ANO1: variants seen among roughly 807,000 people sequenced by gnomAD.
The protein encoded by ANO1 is anoctamin-1.
ANO1 carries 59 observed loss-of-function variants against 124.0 expected under a neutral mutation model. The observed-to-expected ratio is 0.48, with a 90% confidence interval of 0.39 to 0.59. The LOEUF is 0.59. Among genes scored for constraint, ANO1 ranks in the 20% least tolerant of loss-of-function variants. ANO1 has a pLI of 0.00. For synonymous variants in ANO1, 529 were observed against 532.0 expected (o/e 0.99, Z 0.08); for missense variants, 1,059 against 1,328.0 (o/e 0.80, Z 3.15).
the ANO1 span, among the ~76,000 whole-genome samples, chr11:69,976,585 C>G: frequency 1.5e-5 from 2 of 137,066 alleles, no homozygotes; most frequent in Non-Finnish European, 3.0e-5. Context: ...GACACACACA[C>G]AGAGGAATAG....
intron 9 of ANO1, 99 bp downstream of exon 9, chr11:70,124,513 G>C: frequency 7.8e-7 from 1 of 1,286,302 alleles, no homozygotes; most frequent in East Asian, 2.4e-5. Flanking sequence ...TTCAGTACCC[G>C]GGAACGTGTT....
rs367568069 is a variant in ANO1 at position 70,148,832 on chromosome 11, G to A, written c.1259-878G>A. The stretch of plus-strand genomic sequence containing the variant: ...CATCCCTGCCTCACATACAAGTCAC[G>A]GGACGGGGATCCTGATGGAAGGCAG... On this transcript the variant is annotated intron_variant, in intron 11 of 25. Transcript: ENST00000355303. Among the ~76,000 whole-genome samples, 8 of 152,304 alleles carry A rather than the reference G, an allele frequency of 5.3e-5. 1 individual carries two copies. The East Asian group carries it at 1.2e-3, about 22-fold the overall frequency.
chr11:70,084,407 A>T (rs1377878722), intron 1 of ANO1, among the ~76,000 whole-genome samples: 1 of 152,212 alleles, frequency 6.6e-6, no homozygotes, highest in African/African-American at 2.4e-5. Context: ...GATGGCTCCC[A>T]GGTGCCTGGC....
intron 11 of ANO1, among the ~76,000 whole-genome samples, chr11:70,147,586 C>T (rs1405395046): frequency 6.6e-6 from 1 of 152,202 alleles, no homozygotes; most frequent in African/African-American, 2.4e-5. Flanking sequence ...TCTCCCTCTT[C>T]CCAGTAGGTT....
intron 2 of ANO1, among the ~76,000 whole-genome samples, chr11:70,101,124 G>T (rs1030434601): frequency 6.6e-6 from 1 of 152,026 alleles, no homozygotes; most frequent in Admixed American, 6.5e-5. Flanking sequence ...TGTCAAGGAG[G>T]GTCTCCCTTC....
chr11:70,040,963 C>T (rs1015059392), intron 1 of ANO1, among the ~76,000 whole-genome samples: 6 of 152,160 alleles, frequency 3.9e-5, no homozygotes, highest in Admixed American at 2.0e-4. Flanking sequence ...AGCTCGAGGG[C>T]CCTGTCAGTG....
Position 70,062,363 on chromosome 11 carries a change from C to T in ANO1, c.59-16179C>T, listed in dbSNP as rs144053750. Reference sequence around the variant, plus strand: ...CAGTGCTGGGATTACAGGCGTGAGCCACCACGCCCGGCCGAGGTGATTTTT... The same window carrying T: ...CAGTGCTGGGATTACAGGCGTGAGCTACCACGCCCGGCCGAGGTGATTTTT... On this transcript the variant is annotated intron_variant, in intron 1 of 27. Coordinates refer to the ANO1 transcript ENST00000531349. Among the ~76,000 whole-genome samples, 904 of 152,236 alleles carry T rather than the reference C, an allele frequency of 5.9e-3. 15 individuals carry two copies. Among genetic ancestry groups the T allele is most frequent in the African/African-American group, 0.019 (803 of 41,542 alleles).
At chr11:70,002,890 A>G (rs1856412975) in intron 1 of ANO1, among the ~76,000 whole-genome samples, 1 of 152,232 alleles carries the variant, frequency 6.6e-6, no homozygotes, top group Non-Finnish European at 1.5e-5. Context: ...TGCAAAAAAC[A>G]AAATCATTAA....
chr11:70,087,830 G>A lies in ANO1; in HGVS notation c.187G>A (p.Asp63Asn), dbSNP rs1175319592. The A allele has an allele frequency of 6.2e-7, 1 of 1,613,094 alleles. No individual in the cohort carries two copies. The change falls in exon 2 of 26, where the codon GAC (aspartate) becomes AAC (asparagine). Residue 63 changes from aspartate (D) to asparagine (N), a missense_variant. Asp to Asn is a conservative substitution (Grantham distance 23). Transcript: ENST00000355303. ...CTTCAGGGACGGCCGGCGCAAGGTG[G>A]ACTACATCCTGGTGTACCATCACAA... ...LYFRDGRRKV[D>N]YILVYHHKRP...
chr11:70,096,364 C>T (rs1030466768), intron 2 of ANO1, among the ~76,000 whole-genome samples: 7 of 152,296 alleles, frequency 4.6e-5, no homozygotes, highest in Admixed American at 1.3e-4. Context: ...GCACCCGTAT[C>T]GGTCCGTGGC....
intron 22 of ANO1, 108 bp downstream of exon 22, chr11:70,171,147 C>T: frequency 2.8e-6 from 4 of 1,426,754 alleles, no homozygotes; most frequent in Admixed American, 2.2e-5. Context: ...GGTGTCCCTC[C>T]TGGGGCTCTT....
intron 5 of ANO1, among the ~76,000 whole-genome samples, chr11:70,107,950 A>G (rs2045624245): frequency 6.6e-6 from 1 of 152,194 alleles, no homozygotes; most frequent in African/African-American, 2.4e-5. Context: ...GCTGTGTCCC[A>G]GAGTGGTGCT....
intron 1 of ANO1, chr11:69,986,269 C>CGAG (rs1417287093): frequency 6.6e-6 from 1 of 152,318 alleles, no homozygotes; most frequent in Non-Finnish European, 1.5e-5. Context: ...CAGGGGCGCA[C>CGAG]GAGGAGCAGG....
chr11:70,132,463 GGCC>G (rs2046795997), intron 11 of ANO1, among the ~76,000 whole-genome samples: 2 of 152,128 alleles, frequency 1.3e-5, no homozygotes, highest in African/African-American at 4.8e-5. Context: ...AGCTGACCTG[GGCC>G]AGGTCCCGGA....
chr11:70,002,375 A>C (rs1001540701), intron 1 of ANO1, among the ~76,000 whole-genome samples: 1 of 146,034 alleles, frequency 6.8e-6, no homozygotes, highest in South Asian at 2.3e-4. Context: ...GAGGCAGGAG[A>C]ATTGCTTGAA....
chr11:70,103,234 A>G, intron 3 of ANO1, 70 bp downstream of exon 3: 1 of 1,275,078 alleles, frequency 7.8e-7, no homozygotes, highest in Non-Finnish European at 1.1e-6. Context: ...CTGGCAGTGA[A>G]ACATGCCGAC....
the ANO1 span, among the ~76,000 whole-genome samples, chr11:69,975,839 G>A: frequency 7.2e-5 from 11 of 152,208 alleles, no homozygotes; most frequent in Non-Finnish European, 8.8e-5. Context: ...GTAGGAGCAC[G>A]GCAGTTGAAC....
chr11:70,165,636 C>T, intron 20 of ANO1, 66 bp downstream of exon 20: 2 of 1,359,398 alleles, frequency 1.5e-6, no homozygotes, highest in Non-Finnish European at 2.0e-6. Context: ...GTGGGTGGCT[C>T]CTGCGGGGGT....
chr11:70,007,115 A>G (rs1555000208), intron 1 of ANO1, among the ~76,000 whole-genome samples: 1 of 151,982 alleles, frequency 6.6e-6, no homozygotes, highest in African/African-American at 2.4e-5. Flanking sequence ...CCTGGCAACC[A>G]TCATTTTACT....
Sources: allele counts gnomAD v4.1 joint callset (sites outside exome capture counted in the v4.1 genomes callset), GRCh38; gene constraint gnomAD v4.1.1; transcripts MANE v1.5; gene names NCBI Gene and HGNC (gene_info 2026-07-23, HGNC 2026-07-21).